CHODL: variants seen among roughly 807,000 people sequenced by gnomAD.
The protein encoded by CHODL is transmembrane protein MT75.
CHODL carries 29 observed loss-of-function variants against 34.5 expected under a neutral mutation model. That is an observed-to-expected ratio of 0.84 (90% CI 0.63 to 1.15). CHODL has a LOEUF of 1.15. CHODL is among the 50% of genes most tolerant of loss of function. CHODL has a pLI of 0.00. For synonymous variants in CHODL, 125 were observed against 116.1 expected, an observed-to-expected ratio of 1.08 and a Z score of -0.49; for missense variants, 332 against 332.5, an observed-to-expected ratio of 1.00 and a Z score of 0.01.
At chr21:18,035,740 G>A (rs2064301273) in intron 2 of CHODL, among the ~76,000 whole-genome samples, 1 of 151,854 alleles carries the variant, frequency 6.6e-6, no homozygotes, top group South Asian at 2.1e-4. Context: ...ATTTTGTTCA[G>A]TGCATTTTTA....
At chr21:18,215,816 TTCTA>T (rs1331500470) in intron 2 of CHODL, among the ~76,000 whole-genome samples, 1 of 152,132 alleles carries the variant, frequency 6.6e-6, no homozygotes, top group East Asian at 1.9e-4. Flanking sequence ...AACTCGCTAC[TTCTA>T]TCTATGAGTT....
intron 1 of CHODL, among the ~76,000 whole-genome samples, chr21:17,999,705 C>G (rs960830697): frequency 3.3e-5 from 5 of 152,116 alleles, no homozygotes; most frequent in African/African-American, 9.7e-5. Context: ...ATGGGAAAGA[C>G]CAGCCCCCAT....
chr21:18,038,251 G>A (rs929950136), intron 2 of CHODL, among the ~76,000 whole-genome samples: 1 of 151,634 alleles, frequency 6.6e-6, no homozygotes, highest in Non-Finnish European at 1.5e-5. Context: ...TGTCTTTTAC[G>A]TTTCTGAGCA....
intron 2 of CHODL, among the ~76,000 whole-genome samples, chr21:18,117,103 A>T (rs977284532): frequency 6.6e-6 from 1 of 152,194 alleles, no homozygotes; most frequent in Admixed American, 6.5e-5. Context: ...GCAAAGCAGG[A>T]TGTTAAACGG....
At position 18,183,073 on chromosome 21, in the gene CHODL, T is replaced by A. The variant is rs553526085; in HGVS notation, c.-44-73436T>A. Among the ~76,000 whole-genome samples, 425 of 152,322 alleles carry A rather than the reference T, an allele frequency of 2.8e-3. 3 individuals are homozygous for A. Among genetic ancestry groups the A allele is most frequent in the South Asian group, 0.014 (66 of 4,830 alleles). On this transcript the variant is annotated intron_variant, in intron 2 of 6. Coordinates refer to the CHODL transcript ENST00000400127. ...GCCACTTTGAAAAGAGGACAACCAC[T>A]AAAAACCTCATTCCTTTTAAAATAC...
At chr21:18,123,957 C>T (rs375062886) in intron 2 of CHODL, among the ~76,000 whole-genome samples, 9 of 151,922 alleles carry the variant, frequency 5.9e-5, no homozygotes, top group South Asian at 2.1e-4. Context: ...CCGAGGCGGG[C>T]GGATCATCTG....
intron 1 of CHODL, among the ~76,000 whole-genome samples, chr21:17,961,152 C>T (rs760201391): frequency 3.3e-5 from 5 of 152,128 alleles, no homozygotes; most frequent in Non-Finnish European, 5.9e-5. Context: ...TCTGGATGTT[C>T]ACCTTCTTTG....
intron 2 of CHODL, among the ~76,000 whole-genome samples, chr21:18,227,991 T>C (rs2073946077): frequency 6.6e-6 from 1 of 152,166 alleles, no homozygotes; most frequent in Non-Finnish European, 1.5e-5. Context: ...TTGGCTATGG[T>C]TGGACCACAC....
intron 1 of CHODL, among the ~76,000 whole-genome samples, chr21:18,250,007 G>T (rs114028750): frequency 0.042 from 6,322 of 152,180 alleles, 427 homozygotes; most frequent in African/African-American, 0.15. Flanking sequence ...CTCTCACCAG[G>T]AGAGGTCGTC....
intron 2 of CHODL, among the ~76,000 whole-genome samples, chr21:18,174,145 A>ATATCTTGG (rs1568923179): frequency 8.0e-6 from 1 of 125,782 alleles, no homozygotes; most frequent in African/African-American, 3.0e-5. Context: ...ATATATATAT[A>ATATCTTGG]TATATATATA....
At chr21:18,103,784 C>T (rs2065242900) in intron 2 of CHODL, among the ~76,000 whole-genome samples, 1 of 152,148 alleles carries the variant, frequency 6.6e-6, no homozygotes. Flanking sequence ...CCCACTGGAC[C>T]CAGGCAGGAG....
At chr21:18,076,195 A>T (rs141410113) in intron 2 of CHODL, among the ~76,000 whole-genome samples, 1 of 152,286 alleles carries the variant, frequency 6.6e-6, no homozygotes, top group East Asian at 1.9e-4. Context: ...ATGGATAGAG[A>T]TTGGAAGAGT....
intron 2 of CHODL, among the ~76,000 whole-genome samples, chr21:18,217,603 A>C (rs1429056259): frequency 6.6e-6 from 1 of 152,030 alleles, no homozygotes; most frequent in African/African-American, 2.4e-5. Flanking sequence ...ATATCATGTC[A>C]CCCTGGCCCC....
chr21:18,169,076 A>G (rs2073193674), intron 2 of CHODL, among the ~76,000 whole-genome samples: 1 of 151,986 alleles, frequency 6.6e-6, no homozygotes, highest in Admixed American at 6.6e-5. Flanking sequence ...CTTTTTTTGC[A>G]AGAGTTTGTG....
rs201728198 is a variant in CHODL, at chr21:18,070,033, CCCA to C, written c.-45+42065_-45+42067del. Among the ~76,000 whole-genome samples the C allele has an allele frequency of 3.5e-3, 373 of 107,120 alleles. 17 individuals are homozygous for C. Among genetic ancestry groups the C allele is most frequent in the Middle Eastern group, 4.5e-3 (1 of 220 alleles). 70.3% of individuals were successfully genotyped at this position (107,120 alleles called of 152,430 possible). On this transcript the variant is annotated intron_variant, in intron 2 of 6. Transcript: ENST00000400127. ...CCTTCCCTTCCCTTCCCTCCCCCCC[CCCA>C]CCCATTTCCTTTGCTTTCCTGTTTG...
chr21:18,039,895 G>A (rs982133904), intron 2 of CHODL, among the ~76,000 whole-genome samples: 3 of 151,718 alleles, frequency 2.0e-5, no homozygotes, highest in African/African-American at 7.2e-5. Flanking sequence ...AAAGGAATTT[G>A]ACATTTATAT....
intron 2 of CHODL, among the ~76,000 whole-genome samples, chr21:18,238,922 A>G (rs1484616629): frequency 1.3e-5 from 2 of 152,198 alleles, no homozygotes; most frequent in African/African-American, 4.8e-5. Context: ...CAGGAAGTAC[A>G]TGACTAAGAC....
At chr21:18,078,645 A>C (rs545103472) in intron 2 of CHODL, among the ~76,000 whole-genome samples, 23 of 152,208 alleles carry the variant, frequency 1.5e-4, no homozygotes, top group Non-Finnish European at 2.8e-4. Context: ...CTATATGGCT[A>C]TGAGTTTCTC....
chr21:18,098,952 T>C (rs1313781469), intron 2 of CHODL, among the ~76,000 whole-genome samples: 1 of 152,104 alleles, frequency 6.6e-6, no homozygotes, highest in African/African-American at 2.4e-5. Context: ...GAGGTCATTA[T>C]GTTATGTAAA....
Sources: gnomAD v4.1 joint callset for allele counts (sites outside exome capture counted in the v4.1 genomes callset) on GRCh38, gnomAD v4.1.1 for gene constraint, MANE v1.5 for transcripts, NCBI Gene and HGNC (gene_info 2026-07-23, HGNC 2026-07-21) for gene names.